The following SNAPC3 variants were observed in gnomAD, a reference collection of about 807,000 sequenced individuals.
SNAPC3 encodes small nuclear RNA activating complex polypeptide 3, also known as snRNA-activating protein complex subunit 3.
Under a neutral mutation model 47.7 loss-of-function variants are expected in SNAPC3, and 56 were observed. The ratio of observed to expected loss-of-function variants is 1.18; its 90% confidence interval spans 0.95 to 1.47. The LOEUF is 1.47. Ranked by LOEUF, SNAPC3 falls within the 40% of genes most tolerant of loss-of-function variation. The probability of loss-of-function intolerance (pLI) is 0.00; values close to 1 mark genes in which losing one functional copy is unlikely to be tolerated. For missense variants in SNAPC3, 665 were observed against 511.3 expected, an observed-to-expected ratio of 1.30 and a Z score of -2.90; for synonymous variants, 235 against 189.9, an observed-to-expected ratio of 1.24 and a Z score of -1.95.
chr9:15,465,659 A>G (rs553811144), downstream of SNAPC3: 9 of 1,230,454 alleles, frequency 7.3e-6, no homozygotes, highest in East Asian at 4.8e-5. Context: ...AGTCTGCATT[A>G]TATTTTTAAA....
At chr9:15,440,569 T>C (rs1277267571) in intron 3 of SNAPC3, among the ~76,000 whole-genome samples, 1 of 152,126 alleles carries the variant, frequency 6.6e-6, no homozygotes, top group Non-Finnish European at 1.5e-5. Flanking sequence ...TGGGTTCCCA[T>C]AGTCTCAGTT....
At chr9:15,445,169 C>G (rs1299685616) in intron 4 of SNAPC3, among the ~76,000 whole-genome samples, 1 of 152,136 alleles carries the variant, frequency 6.6e-6, no homozygotes, top group African/African-American at 2.4e-5. Context: ...GCCATCTGTT[C>G]TAATAAGGAA....
chr9:15,429,532 T>C (rs1384346206), intron 2 of SNAPC3, among the ~76,000 whole-genome samples: 1 of 151,118 alleles, frequency 6.6e-6, no homozygotes, highest in East Asian at 1.9e-4. Context: ...TAAAGACTAC[T>C]GCAGAGGAAA....
At chr9:15,446,752 G>A (rs2033962104) in intron 4 of SNAPC3, among the ~76,000 whole-genome samples, 1 of 152,172 alleles carries the variant, frequency 6.6e-6, no homozygotes, top group South Asian at 2.1e-4. Context: ...GGATTGGCTA[G>A]TTCGAACAAT....
chr9:15,453,143 T>A lies in SNAPC3; in HGVS notation c.918T>A (p.Gly306=). ...TCAATGACTTGTGTATTAAACTGGGTTTTCCTTACTTATACTGTCATCAGG... is the reference window on the plus strand; with the variant it reads ...TCAATGACTTGTGTATTAAACTGGGATTTCCTTACTTATACTGTCATCAGG... The part of the protein sequence containing the change: ...FTFNDLCIKL[G]FPYLYCHQGD... Residue 306 remains glycine (G), a synonymous_variant, in exon 7 of 9, where the codon GGT becomes GGA. Coordinates refer to ENST00000380821, the MANE Select transcript of SNAPC3 (RefSeq NM_001039697.2). 6.2e-7 allele frequency: 1 copy of A among 1,613,478 alleles called. No homozygotes were observed. Among genetic ancestry groups the A allele is most frequent in the Non-Finnish European group, 8.5e-7 (1 of 1,179,440 alleles).
chr9:15,450,660 GT>G (rs1193679922), intron 5 of SNAPC3, among the ~76,000 whole-genome samples: 1 of 152,132 alleles, frequency 6.6e-6, no homozygotes, highest in Non-Finnish European at 1.5e-5. Flanking sequence ...CTGGTTGCAT[GT>G]TTTTTTCTAG....
rs374225071 is a variant in SNAPC3, at chr9:15,458,074, G to A, written c.1088+7G>A. 29 of 1,393,056 alleles carry A rather than the reference G, an allele frequency of 2.1e-5. No homozygotes were observed. Among genetic ancestry groups the A allele is most frequent in the Non-Finnish European group, 2.8e-5 (29 of 1,046,048 alleles). 86.3% of individuals were successfully genotyped at this position (1,393,056 alleles called of 1,614,324 possible). On this transcript the variant is annotated splice_region_variant and intron_variant, in intron 8 of 8. Coordinates refer to ENST00000380821, the MANE Select transcript of SNAPC3 (RefSeq NM_001039697.2). Reference sequence around the variant, plus strand: ...GTAAAATGTATACAGCCAGGTGAGTGATAATGTATTTTTTTTTTTCTCTGA... The same window carrying A: ...GTAAAATGTATACAGCCAGGTGAGTAATAATGTATTTTTTTTTTTCTCTGA...
At chr9:15,426,046 G>A (rs1475773616) in intron 2 of SNAPC3, among the ~76,000 whole-genome samples, 2 of 152,100 alleles carry the variant, frequency 1.3e-5, no homozygotes, top group African/African-American at 4.8e-5. Flanking sequence ...TAGTAGGGAC[G>A]GAGTTTCTCC....
Position 15,423,017 on chromosome 9 carries a change from C to CT in SNAPC3, c.141dup (p.Gly48TrpfsTer31). On this transcript the variant is annotated frameshift_variant, in exon 1 of 9. Transcript: ENST00000380821. LOFTEE classifies it high-confidence loss of function. ...ATACGCGCGCTTTCCATGTGGGCGC[C>CT]TTTGGGGAGCTGTGGCGGGGCCGTC... The CT allele has an allele frequency of 6.5e-7, 1 of 1,540,712 alleles. No homozygotes were observed. Among genetic ancestry groups the CT allele is most frequent in the Non-Finnish European group, 8.7e-7 (1 of 1,150,482 alleles).
chr9:15,429,539 GA>G (rs143511741), intron 2 of SNAPC3, among the ~76,000 whole-genome samples: 5,819 of 151,908 alleles, frequency 0.038, 347 homozygotes, highest in African/African-American at 0.13. Context: ...TACTGCAGAG[GA>G]AAAAAAACCT....
intron 3 of SNAPC3, among the ~76,000 whole-genome samples, chr9:15,434,705 C>G (rs2032580127): frequency 6.6e-6 from 1 of 152,152 alleles, no homozygotes; most frequent in South Asian, 2.1e-4. Context: ...AGCACCCAGC[C>G]TATGGCATAT....
In SNAPC3 at chr9:15,448,273, C is replaced by T. The variant is rs111316994; in HGVS notation, c.732+1029C>T. Among the ~76,000 whole-genome samples the T allele has an allele frequency of 6.9e-3, 1,045 of 152,052 alleles. 3 individuals are homozygous for T. The highest frequency in any genetic ancestry group is 0.012 in the Non-Finnish European group (792 of 67,998). ...TTCTCCCTAGGCTGACATATAAGGCCTTTTATAATGATGCTTCCCAAATTA... is the reference window on the plus strand; with the variant it reads ...TTCTCCCTAGGCTGACATATAAGGCTTTTTATAATGATGCTTCCCAAATTA... On this transcript the variant is annotated intron_variant, in intron 5 of 8. Transcript: ENST00000380821.
At chr9:15,434,904 C>T (rs1452585814) in intron 3 of SNAPC3, among the ~76,000 whole-genome samples, 1 of 152,128 alleles carries the variant, frequency 6.6e-6, no homozygotes, top group Non-Finnish European at 1.5e-5. Context: ...AATTGGTGTA[C>T]AGATATCTTT....
chr9:15,424,059 G>A (rs1420396531), intron 2 of SNAPC3, 73 bp downstream of exon 2: 1 of 829,260 alleles, frequency 1.2e-6, no homozygotes, highest in African/African-American at 1.8e-5. Context: ...AAAGTTGAAA[G>A]TGCAGTATTG....
intron 3 of SNAPC3, among the ~76,000 whole-genome samples, chr9:15,441,240 T>C (rs2033325741): frequency 6.6e-6 from 1 of 151,790 alleles, no homozygotes; most frequent in Non-Finnish European, 1.5e-5. Flanking sequence ...TTTCTTCATT[T>C]TATTTCATTT....
At chr9:15,441,066 G>A (rs2033306613) in intron 3 of SNAPC3, among the ~76,000 whole-genome samples, 1 of 151,798 alleles carries the variant, frequency 6.6e-6, no homozygotes, top group South Asian at 2.1e-4. Flanking sequence ...TGAGGAATCT[G>A]ATTTTCTTTA....
At chr9:15,444,502 A>G in intron 3 of SNAPC3, 100 bp from the exon 4 acceptor site, 1 of 704,976 alleles carries the variant, frequency 1.4e-6, no homozygotes, top group African/African-American at 1.8e-5. Flanking sequence ...TGTCAAACCC[A>G]AGGCTGCTTG....
chr9:15,449,055 C>T (rs1345573979), intron 5 of SNAPC3, among the ~76,000 whole-genome samples: 1 of 152,090 alleles, frequency 6.6e-6, no homozygotes, highest in Non-Finnish European at 1.5e-5. Flanking sequence ...GGTGATCCAC[C>T]CGCCTCAGCC....
chr9:15,448,850 C>G lies in SNAPC3; in HGVS notation c.732+1606C>G, dbSNP rs76560334. Among the ~76,000 whole-genome samples, 1,207 of 152,030 alleles carry G rather than the reference C, an allele frequency of 7.9e-3. 19 individuals carry two copies. The highest frequency in any genetic ancestry group is 0.027 in the African/African-American group (1,125 of 41,464). On this transcript the variant is annotated intron_variant, in intron 5 of 8. Coordinates refer to ENST00000380821, the MANE Select transcript of SNAPC3 (RefSeq NM_001039697.2). ...TTTTTTTTTGGATGGGGCTCTGTTG[C>G]CCAGGCTGGAGTGCGATGATGCAAT...
Sources: gnomAD v4.1 joint callset for allele counts (sites outside exome capture counted in the v4.1 genomes callset) on GRCh38, gnomAD v4.1.1 for gene constraint, MANE v1.5 for transcripts, NCBI Gene and HGNC (gene_info 2026-07-23, HGNC 2026-07-21) for gene names.